Variants in SLC8A1 observed in about 807,000 individuals in gnomAD.
SLC8A1 encodes the protein sodium/calcium exchanger 1.
A neutral mutation model predicts 68.3 loss-of-function variants in SLC8A1; 18 were observed. The ratio of observed to expected loss-of-function variants is 0.26; its 90% CI spans 0.18 to 0.39. The LOEUF (loss-of-function observed/expected upper bound fraction) is 0.39, where lower values mean the gene tolerates loss of function less well. Ranked by LOEUF, SLC8A1 falls within the 10% of genes least tolerant of loss-of-function variation. The pLI is 1.00. For missense variants in SLC8A1, 985 were observed against 1,156.7 expected (o/e 0.85, Z 2.15); for synonymous variants, 475 against 415.5 (o/e 1.14, Z -1.74).
rs187824806 is a variant in SLC8A1, at chr2:40,419,928, G to A, written c.1808+8545C>T. ...ACACCAAATAGACCAATAATTTGCC[G>A]GCAAAAGGTAAAAAATTTAATAAAA... On this transcript the variant is annotated intron_variant, in intron 2 of 7. Coordinates refer to ENST00000406785, the Ensembl canonical transcript of SLC8A1. Among the ~76,000 whole-genome samples the A allele has an allele frequency of 7.1e-4, 108 of 152,106 alleles. No individual in the cohort carries two copies. The East Asian group carries it at 0.014, about 20-fold the overall frequency.
intron 1 of SLC8A1, among the ~76,000 whole-genome samples, chr2:40,475,635 T>G (rs7595213): frequency 0.75 from 113,871 of 151,742 alleles, 43,411 homozygotes; most frequent in Non-Finnish European, 0.83. Context: ...CATGTACACA[T>G]ACATGTACAC....
intron 7 of SLC8A1, among the ~76,000 whole-genome samples, chr2:40,137,667 C>G (rs1204827560): frequency 2.0e-5 from 3 of 151,982 alleles, no homozygotes; most frequent in South Asian, 4.1e-4. Flanking sequence ...TTTCTGGTAA[C>G]TCTGGAAAAA....
intron 2 of SLC8A1, among the ~76,000 whole-genome samples, chr2:40,320,941 C>A (rs1398382920): frequency 6.6e-6 from 1 of 152,076 alleles, no homozygotes; most frequent in Non-Finnish European, 1.5e-5. Flanking sequence ...ACTCCAATAG[C>A]CTGGATCCCT....
intron 6 of SLC8A1, among the ~76,000 whole-genome samples, chr2:40,146,197 C>T (rs1252723642): frequency 6.6e-6 from 1 of 152,172 alleles, no homozygotes; most frequent in African/African-American, 2.4e-5. Context: ...CTTCTACCAA[C>T]TGAAACGTGG....
intron 2 of SLC8A1, among the ~76,000 whole-genome samples, chr2:40,426,564 A>G (rs1200466800): frequency 6.6e-6 from 1 of 152,166 alleles, no homozygotes; most frequent in African/African-American, 2.4e-5. Context: ...ATGGTTTGGT[A>G]AAAGTCCTGA....
chr2:40,319,910 T>G (rs1201842097), intron 2 of SLC8A1, among the ~76,000 whole-genome samples: 1 of 152,126 alleles, frequency 6.6e-6, no homozygotes. Context: ...TATTAAAAAG[T>G]GGCACTAAAA....
chr2:40,333,545 T>C (rs575786251), intron 2 of SLC8A1, among the ~76,000 whole-genome samples: 1 of 152,130 alleles, frequency 6.6e-6, no homozygotes, highest in Non-Finnish European at 1.5e-5. Context: ...AAAATCTGAA[T>C]TCTATTCATT....
chr2:40,404,401 C>G (rs371255869), intron 2 of SLC8A1, among the ~76,000 whole-genome samples: 28 of 152,094 alleles, frequency 1.8e-4, no homozygotes, highest in Non-Finnish European at 3.5e-4. Flanking sequence ...TTGCTGATGC[C>G]TTCAGTAATT....
intron 7 of SLC8A1, among the ~76,000 whole-genome samples, chr2:40,125,875 G>A (rs1052000905): frequency 3.9e-5 from 6 of 152,130 alleles, no homozygotes; most frequent in Non-Finnish European, 4.4e-5. Context: ...GTTTCTTGTG[G>A]ATACTTAACA....
At chr2:40,378,277 A>T (rs1422382812) in intron 2 of SLC8A1, among the ~76,000 whole-genome samples, 1 of 152,138 alleles carries the variant, frequency 6.6e-6, no homozygotes, top group African/African-American at 2.4e-5. Context: ...TCTTGCAGAA[A>T]AGTGCCATCT....
chr2:40,484,557 C>A (rs1052050212), intron 1 of SLC8A1, among the ~76,000 whole-genome samples: 66 of 152,286 alleles, frequency 4.3e-4, no homozygotes, highest in African/African-American at 1.4e-3. Context: ...TTGCTATCAC[C>A]CGAATCTAAC....
chr2:40,220,483 G>C (rs965587911), intron 2 of SLC8A1: 1 of 152,188 alleles, frequency 6.6e-6, no homozygotes, highest in African/African-American at 2.4e-5. Context: ...AGATCTCTGT[G>C]CACTTTGTTT....
chr2:40,445,655 G>A (rs1701301657), intron 1 of SLC8A1, among the ~76,000 whole-genome samples: 1 of 152,128 alleles, frequency 6.6e-6, no homozygotes, highest in Admixed American at 6.5e-5. Context: ...GCAACAGAAG[G>A]ACTGATAAAG....
At chr2:40,268,146 A>G (rs1186303185) in intron 2 of SLC8A1, among the ~76,000 whole-genome samples, 1 of 152,180 alleles carries the variant, frequency 6.6e-6, no homozygotes, top group Non-Finnish European at 1.5e-5. Context: ...CACAGTGAAG[A>G]GCCAGAATTC....
At chr2:40,372,626 G>C (rs1442676546) in intron 2 of SLC8A1, among the ~76,000 whole-genome samples, 1 of 152,004 alleles carries the variant, frequency 6.6e-6, no homozygotes, top group Non-Finnish European at 1.5e-5. Flanking sequence ...TGGCCTTTAG[G>C]CTAGAAAGAC....
chr2:40,115,858 C>T (rs1467378324), intron 7 of SLC8A1, among the ~76,000 whole-genome samples: 1 of 152,150 alleles, frequency 6.6e-6, no homozygotes, highest in Non-Finnish European at 1.5e-5. Flanking sequence ...AGCAAGTGAT[C>T]TTGGTCAAGT....
At chr2:40,278,424 G>A (rs182137975) in intron 2 of SLC8A1, among the ~76,000 whole-genome samples, 34 of 152,084 alleles carry the variant, frequency 2.2e-4, no homozygotes, top group East Asian at 1.4e-3. Context: ...AGCCAAGATC[G>A]CGCCACTGCA....
intron 5 of SLC8A1, among the ~76,000 whole-genome samples, chr2:40,164,330 T>G (rs2046193874): frequency 6.6e-6 from 1 of 152,214 alleles, no homozygotes; most frequent in South Asian, 2.1e-4. Flanking sequence ...GCACTCTGCA[T>G]TCGGTATATT....
At chr2:40,482,282 G>A (rs962316047) in intron 1 of SLC8A1, among the ~76,000 whole-genome samples, 3 of 152,086 alleles carry the variant, frequency 2.0e-5, no homozygotes, top group African/African-American at 7.2e-5. Flanking sequence ...TTCACACATT[G>A]CAGGGTCATT....
Sources: gnomAD v4.1 joint callset for allele counts (sites outside exome capture counted in the v4.1 genomes callset) on GRCh38, gnomAD v4.1.1 for gene constraint, MANE v1.5 for transcripts, NCBI Gene and HGNC (gene_info 2026-07-23, HGNC 2026-07-21) for gene names.